Variants in ARHGAP23 observed in about 807,000 individuals in gnomAD.
ARHGAP23 encodes the protein Rho GTPase activating protein 23, also known as rho GTPase-activating protein 23.
A neutral mutation model predicts 136.3 loss-of-function variants in ARHGAP23; 34 were observed. That is an observed-to-expected ratio of 0.25 (90% CI 0.19 to 0.33). The LOEUF (loss-of-function observed/expected upper bound fraction) is 0.33. Ranked by LOEUF, ARHGAP23 falls within the 10% of genes least tolerant of loss-of-function variation. The pLI is 1.00. For synonymous variants in ARHGAP23, 832 were observed against 920.5 expected (o/e 0.90, Z 1.74); for missense variants, 1,808 against 2,139.0 (o/e 0.85, Z 3.05).
intron 16 of ARHGAP23, among the ~76,000 whole-genome samples, chr17:38,485,617 G>A (rs1353274195): frequency 2.0e-5 from 3 of 152,204 alleles, no homozygotes; most frequent in African/African-American, 2.4e-5. Context: ...TTTGAAGAGC[G>A]ACTTTTAGGC....
intron 1 of ARHGAP23, 21 bp from the exon 2 acceptor site, chr17:38,458,081 T>A: frequency 6.5e-7 from 1 of 1,535,764 alleles, no homozygotes; most frequent in Non-Finnish European, 8.7e-7. Flanking sequence ...GCGCTCAGCC[T>A]GGCCTCTCTG....
chr17:38,447,026 T>G (rs1016857318), intron 1 of ARHGAP23, among the ~76,000 whole-genome samples: 2 of 152,166 alleles, frequency 1.3e-5, no homozygotes, highest in Non-Finnish European at 2.9e-5. Flanking sequence ...TTTCCCAGGC[T>G]GGTCTTGCAC....
At chr17:38,443,602 T>A (rs1235065778) in intron 1 of ARHGAP23, among the ~76,000 whole-genome samples, 2 of 149,256 alleles carry the variant, frequency 1.3e-5, no homozygotes, top group Non-Finnish European at 3.0e-5. Context: ...CATCACAGAC[T>A]GGATTAGGGA....
At chr17:38,454,651 C>G (rs1217181746) in intron 1 of ARHGAP23, among the ~76,000 whole-genome samples, 4 of 152,152 alleles carry the variant, frequency 2.6e-5, no homozygotes, top group African/African-American at 9.7e-5. Context: ...GCTCTCAGGG[C>G]TGACAGGGCT....
intron 1 of ARHGAP23, among the ~76,000 whole-genome samples, chr17:38,436,083 C>G (rs1303199295): frequency 6.6e-6 from 1 of 152,164 alleles, no homozygotes; most frequent in East Asian, 1.9e-4. Context: ...TGGCACTGTG[C>G]CCCTCCCACA....
At chr17:38,502,080 C>T (rs895991456) in intron 23 of ARHGAP23, among the ~76,000 whole-genome samples, 4 of 152,056 alleles carry the variant, frequency 2.6e-5, no homozygotes, top group African/African-American at 4.8e-5. Context: ...AGGCTGAGGT[C>T]GGATCTTGAG....
Position 38,482,056 on chromosome 17 carries a change from C to T in ARHGAP23, c.2664C>T (p.Gly888=). 6.5e-7 allele frequency: 1 copy of T among 1,549,620 alleles called. No homozygotes were observed. The highest frequency in any genetic ancestry group is 1.2e-5 in the South Asian group (1 of 83,750). The change falls in exon 15 of 24, where the codon GGC becomes GGT. Residue 888 remains glycine (G), a synonymous_variant. Coordinates refer to ENST00000622683, the MANE Select transcript of ARHGAP23 (RefSeq NM_001199417.2). ...CTGCAGCCCCCAAAACCCCCTGGGG[C>T]ATCAACATCATCAAGAAAAATAAGA... ...DSAAAPKTPW[G]INIIKKNKKA...
chr17:38,435,929 C>T (rs866237176), intron 1 of ARHGAP23, among the ~76,000 whole-genome samples: 3 of 152,186 alleles, frequency 2.0e-5, no homozygotes, highest in Admixed American at 1.3e-4. Context: ...TCTCCCTTTC[C>T]TCTTCTGGAG....
At chr17:38,430,472 A>G (rs1479404794) in intron 1 of ARHGAP23, among the ~76,000 whole-genome samples, 2 of 151,884 alleles carry the variant, frequency 1.3e-5, no homozygotes, top group Non-Finnish European at 2.9e-5. Flanking sequence ...CATGGATGGG[A>G]GTGGGGGTGA....
Position 38,462,826 on chromosome 17 carries a change from A to T in ARHGAP23, c.254-20A>T. 1.3e-6 allele frequency: 2 copies of T among 1,487,306 alleles called. No homozygotes were observed. The highest frequency in any genetic ancestry group is 1.3e-5 in the South Asian group (1 of 75,352). The allele number at this position is 1,487,306 out of a possible 1,614,324, so 92.1% of individuals were successfully genotyped here. On this transcript the variant is annotated intron_variant, in intron 3 of 23. Coordinates refer to ENST00000622683, the MANE Select transcript of ARHGAP23 (RefSeq NM_001199417.2). ...GACCTTCCCCAGCCACCCCCAGCTA[A>T]CCTGGCTGATGCCCACTAGGACCCT...
At chr17:38,492,844 C>A (rs1323912298) in intron 20 of ARHGAP23, among the ~76,000 whole-genome samples, 1 of 152,236 alleles carries the variant, frequency 6.6e-6, no homozygotes, top group Non-Finnish European at 1.5e-5. Context: ...GCTTAGCTCT[C>A]CAGGGCACCA....
At chr17:38,479,721 A>C in intron 13 of ARHGAP23, 32 bp from the exon 14 acceptor site, 1 of 1,463,606 alleles carries the variant, frequency 6.8e-7, no homozygotes, top group Non-Finnish European at 9.0e-7. Flanking sequence ...CCCCAAATGA[A>C]GACCTCTCCT....
intron 2 of ARHGAP23, 141 bp from the exon 3 acceptor site, chr17:38,460,764 C>T: frequency 1.3e-6 from 2 of 1,515,266 alleles, no homozygotes; most frequent in Non-Finnish European, 1.8e-6. Flanking sequence ...GGACACCCCT[C>T]CCGCACCCTC....
At chr17:38,472,604 G>C (rs2039788980) in intron 11 of ARHGAP23, among the ~76,000 whole-genome samples, 1 of 152,178 alleles carries the variant, frequency 6.6e-6, no homozygotes, top group South Asian at 2.1e-4. Context: ...GAGGGAACCA[G>C]CAGGACTCTG....
intron 1 of ARHGAP23, among the ~76,000 whole-genome samples, chr17:38,444,605 C>G (rs2038990566): frequency 6.6e-6 from 1 of 152,112 alleles, no homozygotes; most frequent in Non-Finnish European, 1.5e-5. Context: ...CGCCAAGGAC[C>G]TGATGCGTGC....
At chr17:38,467,741 CCTT>C (rs1268957278) in intron 7 of ARHGAP23, among the ~76,000 whole-genome samples, 4 of 152,236 alleles carry the variant, frequency 2.6e-5, no homozygotes, top group African/African-American at 7.2e-5. Context: ...CTCTCTCCCT[CCTT>C]CTTTTGTTCA....
At position 38,491,547 on chromosome 17, in the gene ARHGAP23, C is replaced by T. The variant is rs182254756; in HGVS notation, c.3276+15C>T. ...TGATCCAGCACGTAAGCCCCTGTTCCGGGGGGCGCCCGGCAGCCCCTGGGG... is the reference window on the plus strand; with the variant it reads ...TGATCCAGCACGTAAGCCCCTGTTCTGGGGGGCGCCCGGCAGCCCCTGGGG... On this transcript the variant is annotated intron_variant, in intron 20 of 23. Transcript: ENST00000622683. 25 of 1,549,304 alleles carry T rather than the reference C, an allele frequency of 1.6e-5. No homozygotes were observed. In the East Asian group the frequency reaches 3.4e-4, roughly 21 times the overall value.
At chr17:38,445,864 C>T (rs2039020679) in intron 1 of ARHGAP23, among the ~76,000 whole-genome samples, 1 of 151,964 alleles carries the variant, frequency 6.6e-6, no homozygotes, top group African/African-American at 2.4e-5. Context: ...GGACTCCTGA[C>T]CTCAAGTGAT....
intron 2 of ARHGAP23, 54 bp downstream of exon 2, chr17:38,458,317 G>T: frequency 6.9e-7 from 1 of 1,458,768 alleles, no homozygotes; most frequent in Non-Finnish European, 9.0e-7. Flanking sequence ...GAGGGAGGGA[G>T]ACTCTTTTGT....
Sources: gnomAD v4.1 joint callset for allele counts (sites outside exome capture counted in the v4.1 genomes callset) on GRCh38, gnomAD v4.1.1 for gene constraint, MANE v1.5 for transcripts, NCBI Gene and HGNC (gene_info 2026-07-23, HGNC 2026-07-21) for gene names.